GRIP1: variants seen among roughly 807,000 people sequenced by gnomAD.
GRIP1 encodes the protein glutamate receptor-interacting protein 1.
Under a neutral mutation model 129.9 loss-of-function variants are expected in GRIP1, and 45 were observed. That is an observed-to-expected ratio of 0.35 (90% CI 0.27 to 0.44). The LOEUF (loss-of-function observed/expected upper bound fraction) is 0.44. Ranked by LOEUF, GRIP1 falls within the 20% of genes least tolerant of loss-of-function variation. The pLI is 1.00. For synonymous variants in GRIP1, 530 were observed against 520.8 expected (o/e 1.02, Z -0.24); for missense variants, 1,196 against 1,396.8 (o/e 0.86, Z 2.29).
intron 1 of GRIP1, among the ~76,000 whole-genome samples, chr12:66,942,288 A>AC (rs527389602): frequency 6.7e-6 from 1 of 149,116 alleles, no homozygotes; most frequent in Admixed American, 6.7e-5. Context: ...TTCTGTTCTT[A>AC]TTTTTTTTTT....
At chr12:66,475,370 A>G (rs1487412047) in intron 7 of GRIP1, among the ~76,000 whole-genome samples, 2 of 151,956 alleles carry the variant, frequency 1.3e-5, no homozygotes, top group African/African-American at 4.9e-5. Context: ...ACTCCCACAC[A>G]ATAATAGTGG....
intron 1 of GRIP1, among the ~76,000 whole-genome samples, chr12:66,845,643 C>A (rs1225040278): frequency 6.6e-6 from 1 of 152,096 alleles, no homozygotes; most frequent in Non-Finnish European, 1.5e-5. Context: ...TACAACGTAT[C>A]TTTGATAGCT....
At chr12:66,393,114 AC>A (rs1246094557) in intron 17 of GRIP1, among the ~76,000 whole-genome samples, 2 of 151,756 alleles carry the variant, frequency 1.3e-5, no homozygotes, top group African/African-American at 4.8e-5. Flanking sequence ...AAGAAAATGA[AC>A]AATGTTGAAT....
chr12:66,409,976 C>T (rs1327941792), intron 15 of GRIP1, among the ~76,000 whole-genome samples: 9 of 152,136 alleles, frequency 5.9e-5, no homozygotes, highest in African/African-American at 1.4e-4. Flanking sequence ...AGTGGCCGGG[C>T]GCGGTGGCTC....
At chr12:66,575,482 T>A (rs142624971) in intron 2 of GRIP1, among the ~76,000 whole-genome samples, 13 of 152,366 alleles carry the variant, frequency 8.5e-5, no homozygotes, top group African/African-American at 3.1e-4. Flanking sequence ...TTTTAAATAT[T>A]TACCACTTCA....
intron 1 of GRIP1, among the ~76,000 whole-genome samples, chr12:66,647,937 T>C (rs994541577): frequency 6.6e-6 from 1 of 152,228 alleles, no homozygotes; most frequent in African/African-American, 2.4e-5. Context: ...AAATTCTGCT[T>C]AATAATCTTT....
intron 14 of GRIP1, among the ~76,000 whole-genome samples, chr12:66,422,343 C>T (rs568051043): frequency 1.3e-5 from 2 of 152,132 alleles, no homozygotes; most frequent in Non-Finnish European, 2.9e-5. Flanking sequence ...ACAATTAATT[C>T]ATAATTTAAA....
intron 1 of GRIP1, among the ~76,000 whole-genome samples, chr12:66,840,363 A>T (rs1359652187): frequency 1.3e-5 from 2 of 152,174 alleles, no homozygotes; most frequent in Non-Finnish European, 2.9e-5. Context: ...TTTAATCACT[A>T]ATACAATTGT....
intron 2 of GRIP1, among the ~76,000 whole-genome samples, chr12:66,592,851 T>C (rs2063897836): frequency 6.6e-6 from 1 of 152,238 alleles, no homozygotes; most frequent in Admixed American, 6.5e-5. Context: ...CAGTAATCTG[T>C]CAAATACAGG....
intron 1 of GRIP1, among the ~76,000 whole-genome samples, chr12:66,696,725 A>T (rs2035174742): frequency 6.7e-6 from 1 of 149,780 alleles, no homozygotes; most frequent in African/African-American, 2.5e-5. Flanking sequence ...GAATGGCGTG[A>T]ACCCGGGAGG....
At chr12:66,586,323 T>G (rs1397952889) in intron 2 of GRIP1, among the ~76,000 whole-genome samples, 3 of 152,216 alleles carry the variant, frequency 2.0e-5, no homozygotes, top group Non-Finnish European at 2.9e-5. Flanking sequence ...TTTAGTGACA[T>G]GTGGCTCATA....
chr12:66,496,227 T>A (rs533795261), intron 7 of GRIP1, among the ~76,000 whole-genome samples: 1 of 152,238 alleles, frequency 6.6e-6, no homozygotes, highest in South Asian at 2.1e-4. Flanking sequence ...TCTAAGAGCA[T>A]CTCCTTTTAC....
rs188543477 is a variant in GRIP1 at position 66,636,552 on chromosome 12, T to C, written c.56-39625A>G. On this transcript the variant is annotated intron_variant, in intron 1 of 24. Transcript: ENST00000359742. ...GTGTCTCCCATCCACCCTAAATTCA[T>C]ATGTTGAACCCTAACCTCCCCCTAC... Among the ~76,000 whole-genome samples the C allele has an allele frequency of 3.2e-3, 490 of 152,292 alleles. 3 individuals carry two copies. Among genetic ancestry groups the C allele is most frequent in the African/African-American group, 0.011 (469 of 41,554 alleles).
chr12:66,679,627 T>A (rs2034505867), upstream of GRIP1, among the ~76,000 whole-genome samples: 1 of 152,080 alleles, frequency 6.6e-6, no homozygotes, highest in Non-Finnish European at 1.5e-5. Flanking sequence ...AAGAAAGGGT[T>A]AGGGCTAGGC....
At chr12:66,711,848 C>T (rs146579485) in intron 1 of GRIP1, among the ~76,000 whole-genome samples, 16 of 151,946 alleles carry the variant, frequency 1.1e-4, no homozygotes, top group East Asian at 3.9e-4. Context: ...TGCCAAGCTG[C>T]GTGAACACTA....
chr12:66,476,285 G>A (rs1365571107), intron 7 of GRIP1, among the ~76,000 whole-genome samples: 1 of 152,012 alleles, frequency 6.6e-6, no homozygotes, highest in Non-Finnish European at 1.5e-5. Context: ...ATAAATTCCT[G>A]GACACATACA....
chr12:66,574,805 C>T (rs911259563), intron 2 of GRIP1, among the ~76,000 whole-genome samples: 19 of 86,860 alleles, frequency 2.2e-4, no homozygotes, highest in Non-Finnish European at 4.2e-4. Flanking sequence ...TTTTTTTAGA[C>T]GGAGTCTCGC....
intron 1 of GRIP1, among the ~76,000 whole-genome samples, chr12:66,860,285 G>A (rs969860937): frequency 2.3e-4 from 35 of 152,160 alleles, no homozygotes; most frequent in Non-Finnish European, 2.6e-4. Context: ...TGAATGCTTT[G>A]CATAGTTTCC....
chr12:66,552,488 C>T (rs2062174743), intron 2 of GRIP1, among the ~76,000 whole-genome samples: 1 of 152,112 alleles, frequency 6.6e-6, no homozygotes, highest in African/African-American at 2.4e-5. Flanking sequence ...GGCATACTAC[C>T]ATTTTATAGA....
Sources: allele counts gnomAD v4.1 joint callset (sites outside exome capture counted in the v4.1 genomes callset), GRCh38; gene constraint gnomAD v4.1.1; transcripts MANE v1.5; gene names NCBI Gene and HGNC (gene_info 2026-07-23, HGNC 2026-07-21).